The following SNX24 variants were observed in gnomAD, a reference collection of about 807,000 sequenced individuals.
SNX24 encodes sorting nexin-24.
Under a neutral mutation model 28.7 loss-of-function variants are expected in SNX24, and 22 were observed. The observed-to-expected ratio is 0.77, with a 90% CI of 0.55 to 1.10. The LOEUF (loss-of-function observed/expected upper bound fraction) is 1.10. SNX24 is among the 50% of genes least tolerant of loss of function. The probability of loss-of-function intolerance (pLI) is 0.00; values close to 1 mark genes in which losing one functional copy is unlikely to be tolerated. For missense variants in SNX24, 221 were observed against 201.1 expected (o/e 1.10, Z -0.60); for synonymous variants, 69 against 71.5 (o/e 0.96, Z 0.18).
intron 1 of SNX24, among the ~76,000 whole-genome samples, chr5:122,872,111 T>G (rs1211301153): frequency 1.3e-5 from 2 of 149,514 alleles, no homozygotes; most frequent in Admixed American, 6.8e-5. Flanking sequence ...TACCTTCCTT[T>G]CATCTAGTAT....
At chr5:122,974,444 G>T (rs779781586) in intron 3 of SNX24, among the ~76,000 whole-genome samples, 35 of 152,366 alleles carry the variant, frequency 2.3e-4, no homozygotes, top group Non-Finnish European at 3.8e-4. Flanking sequence ...GTAGGACAGT[G>T]AAGGTGTATT....
At chr5:122,903,945 T>G (rs1757541967) in intron 1 of SNX24, among the ~76,000 whole-genome samples, 1 of 152,332 alleles carries the variant, frequency 6.6e-6, no homozygotes, top group Admixed American at 6.5e-5. Flanking sequence ...CATTAAAAGA[T>G]ACATAAATAT....
At chr5:122,995,914 G>C (rs770664143) in intron 3 of SNX24, among the ~76,000 whole-genome samples, 2 of 152,112 alleles carry the variant, frequency 1.3e-5, no homozygotes, top group African/African-American at 2.4e-5. Flanking sequence ...GGGCAGCATG[G>C]TAGTACTTCA....
intron 3 of SNX24, among the ~76,000 whole-genome samples, chr5:122,993,631 C>G (rs893894078): frequency 1.3e-5 from 2 of 152,136 alleles, no homozygotes; most frequent in African/African-American, 2.4e-5. Context: ...TGTTCCTTTG[C>G]TAACCTGATT....
At chr5:122,859,574 C>T (rs1293622657) in intron 1 of SNX24, among the ~76,000 whole-genome samples, 1 of 152,120 alleles carries the variant, frequency 6.6e-6, no homozygotes, top group Non-Finnish European at 1.5e-5. Context: ...TGCACCCTAG[C>T]CTGGGTGGCA....
chr5:122,892,750 T>TA (rs1757027942), intron 1 of SNX24, among the ~76,000 whole-genome samples: 1 of 149,714 alleles, frequency 6.7e-6, no homozygotes, highest in Non-Finnish European at 1.5e-5. Flanking sequence ...TTTCCTTTAT[T>TA]ATTAATTAAT....
chr5:122,863,527 T>C (rs1755578440), intron 1 of SNX24, among the ~76,000 whole-genome samples: 2 of 145,910 alleles, frequency 1.4e-5, no homozygotes, highest in Non-Finnish European at 3.0e-5. Context: ...TTTTCTTTTT[T>C]CTTTTTTTTT....
At chr5:122,999,789 G>C in intron 3 of SNX24, 123 bp from the exon 4 acceptor site, 1 of 712,362 alleles carries the variant, frequency 1.4e-6, no homozygotes, top group Admixed American at 1.9e-5. Flanking sequence ...TCCTCATCTT[G>C]ACTGTGAGGA....
chr5:122,968,219 C>T (rs754484619), intron 3 of SNX24, among the ~76,000 whole-genome samples: 1 of 152,098 alleles, frequency 6.6e-6, no homozygotes, highest in Non-Finnish European at 1.5e-5. Flanking sequence ...GTGGCATGCA[C>T]GCCTATAATC....
chr5:122,867,348 G>A (rs1755766899), intron 1 of SNX24, among the ~76,000 whole-genome samples: 1 of 152,214 alleles, frequency 6.6e-6, no homozygotes, highest in South Asian at 2.1e-4. Context: ...TGTGTGCAGG[G>A]AAGGCAAGTC....
intron 2 of SNX24, among the ~76,000 whole-genome samples, chr5:122,937,269 ATGTACT>A (rs557931865): frequency 2.2e-4 from 34 of 152,364 alleles, no homozygotes; most frequent in African/African-American, 8.2e-4. Flanking sequence ...TAACATATAC[ATGTACT>A]TGTATATTCA....
chr5:123,013,811 C>G (rs1370055640), downstream of SNX24, among the ~76,000 whole-genome samples: 2 of 148,422 alleles, frequency 1.3e-5, no homozygotes, highest in African/African-American at 5.3e-5. Context: ...TACTGAGTTT[C>G]TACTGGATGT....
At chr5:122,884,284 C>T (rs1284476187) in intron 1 of SNX24, among the ~76,000 whole-genome samples, 5 of 123,044 alleles carry the variant, frequency 4.1e-5, no homozygotes, top group South Asian at 2.7e-4. Flanking sequence ...GACAGAGTCT[C>T]GCTGTTGCCT....
intron 1 of SNX24, among the ~76,000 whole-genome samples, chr5:122,856,700 G>A (rs1306465480): frequency 6.6e-6 from 1 of 151,946 alleles, no homozygotes; most frequent in Non-Finnish European, 1.5e-5. Flanking sequence ...ATTTTTAGTA[G>A]AGATGGGGTT....
At chr5:123,010,643 A>G (rs754932785), downstream of SNX24, among the ~76,000 whole-genome samples, 4 of 152,156 alleles carry the variant, frequency 2.6e-5, no homozygotes, top group Non-Finnish European at 4.4e-5. Context: ...ATATAAAACT[A>G]TAGATAAAAA....
At chr5:122,909,477 C>A (rs1011879957) in intron 1 of SNX24, among the ~76,000 whole-genome samples, 1 of 152,096 alleles carries the variant, frequency 6.6e-6, no homozygotes, top group Non-Finnish European at 1.5e-5. Context: ...CTAGGTTTTC[C>A]GTCTCCAAAG....
chr5:122,952,106 G>T (rs1415281171), intron 3 of SNX24, among the ~76,000 whole-genome samples: 3 of 152,166 alleles, frequency 2.0e-5, no homozygotes, highest in East Asian at 1.9e-4. Flanking sequence ...GAAACATAAA[G>T]AATTTCATAT....
intron 1 of SNX24, among the ~76,000 whole-genome samples, chr5:122,854,456 T>A (rs970860985): frequency 6.8e-6 from 1 of 147,270 alleles, no homozygotes; most frequent in African/African-American, 2.5e-5. Flanking sequence ...TGCAGTGAGC[T>A]GAGATCATGC....
intron 3 of SNX24, among the ~76,000 whole-genome samples, chr5:122,993,490 C>T (rs1450523416): frequency 2.0e-5 from 3 of 151,896 alleles, no homozygotes; most frequent in Non-Finnish European, 4.4e-5. Flanking sequence ...TTAATAGATA[C>T]GGGGTTTCAC....
Sources: allele counts gnomAD v4.1 joint callset (sites outside exome capture counted in the v4.1 genomes callset), GRCh38; gene constraint gnomAD v4.1.1; transcripts MANE v1.5; gene names NCBI Gene and HGNC (gene_info 2026-07-23, HGNC 2026-07-21).